SLC35F1: variants seen among roughly 807,000 people sequenced by gnomAD.
The protein encoded by SLC35F1 is chromosome 6 open reading frame 169.
SLC35F1 carries 14 observed loss-of-function variants against 48.7 expected under a neutral mutation model. The observed-to-expected ratio is 0.29, with a 90% confidence interval of 0.19 to 0.45. The LOEUF (loss-of-function observed/expected upper bound fraction) is 0.45, where lower values mean the gene tolerates loss of function less well. Ranked by LOEUF, SLC35F1 falls within the 20% of genes least tolerant of loss-of-function variation. SLC35F1 has a pLI of 1.00. For synonymous variants in SLC35F1, 190 were observed against 202.2 expected (o/e 0.94, Z 0.51); for missense variants, 404 against 500.0 (o/e 0.81, Z 1.83).
chr6:118,268,242 C>T (rs1463183882), intron 4 of SLC35F1, among the ~76,000 whole-genome samples: 1 of 152,114 alleles, frequency 6.6e-6, no homozygotes, highest in South Asian at 2.1e-4. Flanking sequence ...GAACACAAGG[C>T]CCCCGGCCTC....
intron 1 of SLC35F1, among the ~76,000 whole-genome samples, chr6:118,077,541 T>C (rs1030135117): frequency 2.6e-5 from 4 of 152,234 alleles, no homozygotes; most frequent in Non-Finnish European, 4.4e-5. Context: ...TTTTGTCTAA[T>C]TGACCTTACA....
intron 1 of SLC35F1, among the ~76,000 whole-genome samples, chr6:118,006,352 C>T (rs193050977): frequency 6.6e-6 from 1 of 152,226 alleles, no homozygotes; most frequent in Non-Finnish European, 1.5e-5. Context: ...TGTGGTGGCA[C>T]ATACCTGTAA....
intron 2 of SLC35F1, among the ~76,000 whole-genome samples, chr6:118,232,531 A>T (rs899896018): frequency 4.4e-5 from 6 of 135,334 alleles, no homozygotes; most frequent in African/African-American, 3.0e-5. Context: ...CTGGGTGACA[A>T]GAGTGAAACT....
At position 118,029,757 on chromosome 6, in the gene SLC35F1, A is replaced by G. The variant is rs562661865; in HGVS notation, c.173+121858A>G. The stretch of plus-strand genomic sequence containing the variant: ...TGTTTACAAAAGTTGAATGAAGTTA[A>G]AAACATTTCTTTACTAAAAAAGTAT... On this transcript the variant is annotated intron_variant, in intron 1 of 7. Coordinates refer to ENST00000360388, the MANE Select transcript of SLC35F1 (RefSeq NM_001029858.4). 7.2e-5 allele frequency among the ~76,000 whole-genome samples: 11 copies of G among 152,328 alleles called. 1 individual carries two copies. In the South Asian group the frequency reaches 2.3e-3, roughly 32 times the overall value.
intron 3 of SLC35F1, among the ~76,000 whole-genome samples, chr6:118,246,071 A>T (rs1775503902): frequency 6.6e-6 from 1 of 152,114 alleles, no homozygotes; most frequent in African/African-American, 2.4e-5. Context: ...CCTTCCAGGG[A>T]TACCGGGCCT....
At chr6:118,218,301 C>A (rs960265089) in intron 2 of SLC35F1, among the ~76,000 whole-genome samples, 2 of 152,120 alleles carry the variant, frequency 1.3e-5, no homozygotes, top group Non-Finnish European at 2.9e-5. Flanking sequence ...AGCTTCATTT[C>A]TCAGCTAGAG....
intron 2 of SLC35F1, among the ~76,000 whole-genome samples, chr6:118,157,810 T>A (rs571805079): frequency 6.6e-6 from 1 of 152,340 alleles, no homozygotes; most frequent in African/African-American, 2.4e-5. Context: ...AGGGTGGGTC[T>A]GAGTCTCCCA....
intron 1 of SLC35F1, among the ~76,000 whole-genome samples, chr6:118,146,144 C>T (rs1374631815): frequency 1.3e-5 from 2 of 152,086 alleles, no homozygotes; most frequent in African/African-American, 2.4e-5. Context: ...GTGGGAATGC[C>T]TCATTTGCAG....
intron 2 of SLC35F1, among the ~76,000 whole-genome samples, chr6:118,171,140 G>A (rs1665046709): frequency 6.6e-6 from 1 of 151,652 alleles, no homozygotes. Flanking sequence ...GAGCTCAATA[G>A]ATCCTCCTAC....
At chr6:118,306,333 G>A (rs879662857) in intron 7 of SLC35F1, among the ~76,000 whole-genome samples, 1 of 152,208 alleles carries the variant, frequency 6.6e-6, no homozygotes, top group African/African-American at 2.4e-5. Flanking sequence ...AATAGAAAAT[G>A]ATGACATTTC....
intron 2 of SLC35F1, among the ~76,000 whole-genome samples, chr6:118,209,496 C>A (rs1774976413): frequency 6.6e-6 from 1 of 152,058 alleles, no homozygotes. Flanking sequence ...TTTACAAGGC[C>A]TTTCTAAAAA....
At chr6:117,991,084 A>C (rs996163812) in intron 1 of SLC35F1, among the ~76,000 whole-genome samples, 2 of 152,236 alleles carry the variant, frequency 1.3e-5, no homozygotes, top group African/African-American at 4.8e-5. Flanking sequence ...GAAGAAAATA[A>C]AAATTATTTG....
chr6:118,096,202 T>C (rs1773174203), intron 1 of SLC35F1, among the ~76,000 whole-genome samples: 1 of 152,196 alleles, frequency 6.6e-6, no homozygotes. Flanking sequence ...TTAGCTAATA[T>C]TAAATAAATA....
At chr6:118,027,693 A>G (rs1452415132) in intron 1 of SLC35F1, among the ~76,000 whole-genome samples, 3 of 152,078 alleles carry the variant, frequency 2.0e-5, no homozygotes, top group Non-Finnish European at 4.4e-5. Flanking sequence ...CTCTTCATAT[A>G]TTCTAGATAC....
chr6:118,185,278 C>G (rs1041692851), intron 2 of SLC35F1, among the ~76,000 whole-genome samples: 2 of 152,126 alleles, frequency 1.3e-5, no homozygotes, highest in Non-Finnish European at 2.9e-5. Flanking sequence ...ACTGGAAAAT[C>G]CTTATTCCTT....
intron 1 of SLC35F1, among the ~76,000 whole-genome samples, chr6:117,942,534 G>A (rs1416418): frequency 0.76 from 115,937 of 152,110 alleles, 44,406 homozygotes; most frequent in South Asian, 0.89. Flanking sequence ...TAGTTTAATG[G>A]GATTAATTTC....
chr6:118,031,054 C>A (rs183812740), intron 1 of SLC35F1, among the ~76,000 whole-genome samples: 43 of 152,190 alleles, frequency 2.8e-4, no homozygotes, highest in African/African-American at 9.2e-4. Flanking sequence ...ACAGGCACAG[C>A]CTCCCTCACT....
intron 1 of SLC35F1, among the ~76,000 whole-genome samples, chr6:117,947,802 A>G (rs1233375469): frequency 3.3e-5 from 5 of 152,106 alleles, no homozygotes; most frequent in African/African-American, 4.8e-5. Context: ...TAGGCAATTG[A>G]GTATAGGAGT....
chr6:118,186,962 A>G (rs1774664435), intron 2 of SLC35F1, among the ~76,000 whole-genome samples: 2 of 152,200 alleles, frequency 1.3e-5, no homozygotes, highest in South Asian at 4.1e-4. Flanking sequence ...GCCCTTCCAG[A>G]GATTCCTCTG....
Sources: allele counts gnomAD v4.1 joint callset (sites outside exome capture counted in the v4.1 genomes callset), GRCh38; gene constraint gnomAD v4.1.1; transcripts MANE v1.5; gene names NCBI Gene and HGNC (gene_info 2026-07-23, HGNC 2026-07-21).